RPL13: variants seen among roughly 807,000 people sequenced by gnomAD.
The protein encoded by RPL13 is ribosomal protein L13, also known as large ribosomal subunit protein eL13.
In RPL13, 1 loss-of-function variant was observed where a neutral mutation model predicts 21.4. The observed-to-expected ratio is 0.05, with a 90% CI of 0.02 to 0.22. The LOEUF (loss-of-function observed/expected upper bound fraction) is 0.22. RPL13 is among the 10% of genes least tolerant of loss of function. The pLI is 1.00. For missense variants in RPL13, 289 were observed against 303.0 expected, an observed-to-expected ratio of 0.95 and a Z score of 0.34; for synonymous variants, 143 against 120.5, an observed-to-expected ratio of 1.19 and a Z score of -1.23.
At chr16:89,561,826 C>T (rs2058747353) in intron 4 of RPL13, 75 bp downstream of exon 4, 6 of 1,513,342 alleles carry the variant, frequency 4.0e-6, no homozygotes, top group African/African-American at 2.8e-5. Context: ...TGACACCGGT[C>T]CCTGGGTCTT....
rs975844443 is a variant in RPL13 at position 89,561,703 on chromosome 16, C to T, written c.372C>T (p.Leu124=). The T allele has an allele frequency of 1.2e-6, 2 of 1,613,876 alleles. No homozygotes were observed. Among genetic ancestry groups the T allele is most frequent in the South Asian group, 1.1e-5 (1 of 91,078 alleles). Residue 124 remains leucine, a synonymous_variant, in exon 4 of 6, where the codon CTC becomes CTT. Transcript: ENST00000311528. ...GGCTGAAGGAGTACCGCTCCAAACT[C>T]ATCCTCTTCCCCAGGAAGCCCTCGG... ...VQRLKEYRSK[L]ILFPRKPSAP...
Position 89,563,082 on chromosome 16 carries a change from G to A in RPL13, c.*40G>A. ...CTTGGAATCAGTCGGCAGTCATGCT[G>A]GGTCTCCACGTGGTGTGTTTCGTGG... On this transcript the variant is annotated 3_prime_UTR_variant, in exon 6 of 6. Transcript: ENST00000311528. 6.9e-7 allele frequency: 1 copy of A among 1,452,700 alleles called. No homozygotes were observed. Among genetic ancestry groups the A allele is most frequent in the South Asian group, 1.5e-5 (1 of 68,824 alleles). 90.0% of individuals were successfully genotyped at this position (1,452,700 alleles called of 1,614,324 possible).
chr16:89,561,671 G>A lies in RPL13; in HGVS notation c.340G>A (p.Val114Met). 6.2e-7 allele frequency: 1 copy of A among 1,613,896 alleles called. No homozygotes were observed. Among genetic ancestry groups the A allele is most frequent in the Non-Finnish European group, 8.5e-7 (1 of 1,180,042 alleles). The change falls in exon 4 of 6, where the codon GTG becomes ATG. Residue 114 changes from valine (V) to methionine (M), a missense_variant. Val to Met is a conservative substitution (Grantham distance 21, BLOSUM62 1). Transcript: ENST00000311528. ...GTCCACGGAGTCCCTGCAGGCCAAC[G>A]TGCAGCGGCTGAAGGAGTACCGCTC... is the stretch of plus-strand genomic sequence containing the variant. ...NKSTESLQAN[V>M]QRLKEYRSKL...
In RPL13 at chr16:89,561,555, ATCTC is replaced by A. The variant is rs753495582; in HGVS notation, c.247-17_247-14del. On this transcript the variant is annotated intron_variant, in intron 3 of 5. Coordinates refer to ENST00000311528, the MANE Select transcript of RPL13 (RefSeq NM_000977.4). ...CTGGAGAAAGCCCGGGCCTGTCTCC[ATCTC>A]TCTCTGGTTCTGGGGCAGGTGGCCG... 1 of 1,613,300 alleles carries A rather than the reference ATCTC, an allele frequency of 6.2e-7. No homozygotes were observed. The highest frequency in any genetic ancestry group is 1.7e-5 in the Admixed American group (1 of 60,012).
chr16:89,563,121 T>C lies in RPL13; in HGVS notation c.*79T>C. ...TGTGTTTCGTGGGAACAACTGGGCC[T>C]GGGATGGGGCTTCACTGCTGTGACT... On this transcript the variant is annotated 3_prime_UTR_variant, in exon 6 of 6. Transcript: ENST00000311528. 2 of 1,328,680 alleles carry C rather than the reference T, an allele frequency of 1.5e-6. No individual in the cohort carries two copies. Among genetic ancestry groups the C allele is most frequent in the Non-Finnish European group, 2.0e-6 (2 of 1,016,448 alleles). 82.3% of individuals were successfully genotyped at this position (1,328,680 alleles called of 1,614,324 possible).
chr16:89,562,362 C>A lies in RPL13; in HGVS notation c.448C>A (p.Leu150Met), dbSNP rs1244010762. Residue 150 changes from leucine (L) to methionine (M), a missense_variant, in exon 5 of 6, where the codon CTG (leucine) becomes ATG (methionine). Physicochemically the swap from Leu to Met is conservative, Grantham distance 15 (BLOSUM62 2). Transcript: ENST00000311528. ...SAEELKLATQ[L>M]TGPVMPVRNV... The stretch of plus-strand genomic sequence containing the variant: ...TGAAGAACTGAAACTGGCCACCCAG[C>A]TGACCGGACCGGTCATGCCCGTCCG... 11 of 1,613,232 alleles carry A rather than the reference C, an allele frequency of 6.8e-6. No individual in the cohort carries two copies. Among genetic ancestry groups the A allele is most frequent in the Non-Finnish European group, 9.3e-6 (11 of 1,179,894 alleles).
chr16:89,566,339 A>AGAAGGCGCTAGTCT (rs2058791266), downstream of RPL13: 7 of 122,744 alleles, frequency 5.7e-5, no homozygotes, highest in Admixed American at 9.1e-5. Context: ...TCGGTGATGC[A>AGAAGGCGCTAGTCT]CCGTTTCTCA....
At position 89,561,750 on chromosome 16, in the gene RPL13, C is replaced by G; in HGVS notation, c.419C>G (p.Ser140Cys). Residue 140 changes from serine (S) to cysteine (C), a missense_variant and splice_region_variant, in exon 4 of 6, where the codon TCT becomes TGT. Ser to Cys is a moderately radical substitution (Grantham distance 112). Coordinates refer to ENST00000311528, the MANE Select transcript of RPL13 (RefSeq NM_000977.4). ...KPSAPKKGDSSAEELKLATQL... is the reference protein window; with the variant it reads ...KPSAPKKGDSCAEELKLATQL... ...TCGGCCCCCAAGAAGGGAGACAGTTCTGTGAGTACACGGCTCTCTGGCCGT... is the reference window on the plus strand; with the variant it reads ...TCGGCCCCCAAGAAGGGAGACAGTTGTGTGAGTACACGGCTCTCTGGCCGT... 1 of 1,613,044 alleles carries G rather than the reference C, an allele frequency of 6.2e-7. No homozygotes were observed. The highest frequency in any genetic ancestry group is 8.5e-7 in the Non-Finnish European group (1 of 1,179,522).
At position 89,560,932 on chromosome 16, in the gene RPL13, G is replaced by A. The variant is rs376283019; in HGVS notation, c.-20-8G>A. The A allele has an allele frequency of 6.3e-7, 1 of 1,583,766 alleles. No individual in the cohort carries two copies. The highest frequency in any genetic ancestry group is 8.6e-7 in the Non-Finnish European group (1 of 1,167,812). ...CCGGCCTCTCACTCGCTCCCCTCTC[G>A]TCCGCAGCCGCAGGGCCGTAGGCAG... On this transcript the variant is annotated splice_polypyrimidine_tract_variant and splice_region_variant and intron_variant, in intron 1 of 5. Coordinates refer to ENST00000311528, the MANE Select transcript of RPL13 (RefSeq NM_000977.4).
rs957971499 is a variant in RPL13, at chr16:89,564,413, T to C, written c.*1371T>C. ...TTGTATGTTTGGGACTCTTGTCCTATGTAAAGTTAAGGTGGGCCGGGTGCA... is the reference window on the plus strand; with the variant it reads ...TTGTATGTTTGGGACTCTTGTCCTACGTAAAGTTAAGGTGGGCCGGGTGCA... On this transcript the variant is annotated 3_prime_UTR_variant, in exon 6 of 6. Transcript: ENST00000311528. 2 of 152,214 alleles carry C rather than the reference T, an allele frequency of 1.3e-5. No individual in the cohort carries two copies. Among genetic ancestry groups the C allele is most frequent in the Admixed American group, 6.5e-5 (1 of 15,288 alleles). 9.4% of individuals were successfully genotyped at this position (152,214 alleles called of 1,614,324 possible).
At chr16:89,562,802 G>A (rs2058755558) in intron 5 of RPL13, 82 bp from the exon 6 acceptor site, 11 of 1,403,668 alleles carry the variant, frequency 7.8e-6, no homozygotes, top group African/African-American at 1.5e-5. Context: ...ATCCCCGGGA[G>A]GTCCTCCAGG....
At chr16:89,562,767 C>A in intron 5 of RPL13, 117 bp from the exon 6 acceptor site, 2 of 1,087,476 alleles carry the variant, frequency 1.8e-6, no homozygotes, top group Non-Finnish European at 2.6e-6. Flanking sequence ...TTCAGCAGTA[C>A]TTATGGCAGC....
At position 89,563,091 on chromosome 16, in the gene RPL13, C is replaced by T. The variant is rs760616316; in HGVS notation, c.*49C>T. 10 of 1,431,430 alleles carry T rather than the reference C, an allele frequency of 7.0e-6. No individual in the cohort carries two copies. Among genetic ancestry groups the T allele is most frequent in the African/African-American group, 2.9e-5 (2 of 68,324 alleles). 88.7% of individuals were successfully genotyped at this position (1,431,430 alleles called of 1,614,324 possible). On this transcript the variant is annotated 3_prime_UTR_variant, in exon 6 of 6. Coordinates refer to ENST00000311528, the MANE Select transcript of RPL13 (RefSeq NM_000977.4). ...AGTCGGCAGTCATGCTGGGTCTCCA[C>T]GTGGTGTGTTTCGTGGGAACAACTG...
At chr16:89,566,281 C>T (rs2058790196), downstream of RPL13, 1 of 150,942 alleles carries the variant, frequency 6.6e-6, no homozygotes, top group Non-Finnish European at 1.5e-5. Context: ...GCGCTAGTCT[C>T]CTGCCCCGGT....
chr16:89,562,337 TGAA>T lies in RPL13; in HGVS notation c.427_429del (p.Glu143del), dbSNP rs755488578. Reference sequence around the variant, plus strand: ...TAACTCTTCTCATTCACCAACAGGCTGAAGAACTGAAACTGGCCACCCAGCTGA... The same window carrying T: ...TAACTCTTCTCATTCACCAACAGGCTGAACTGAAACTGGCCACCCAGCTGA... On this transcript the variant is annotated inframe_deletion, in exon 5 of 6. Transcript: ENST00000311528. 6.2e-7 allele frequency: 1 copy of T among 1,613,274 alleles called. No homozygotes were observed. The highest frequency in any genetic ancestry group is 2.2e-5 in the East Asian group (1 of 44,820).
intron 3 of RPL13, 43 bp downstream of exon 3, chr16:89,561,411 C>A (rs751466278): frequency 1.2e-6 from 2 of 1,612,336 alleles, no homozygotes; most frequent in Non-Finnish European, 1.7e-6. Flanking sequence ...GCCCCGAAGT[C>A]CCCTCTGTTG....
intron 3 of RPL13, 41 bp downstream of exon 3, chr16:89,561,409 GT>G: frequency 6.2e-7 from 1 of 1,612,382 alleles, no homozygotes; most frequent in Non-Finnish European, 8.5e-7. Flanking sequence ...AGGCCCCGAA[GT>G]CCCCTCTGTT....
chr16:89,560,825 C>A, intron 1 of RPL13, 113 bp downstream of exon 1: 1 of 641,974 alleles, frequency 1.6e-6, no homozygotes. Context: ...CGTTCGGCCG[C>A]TGCCCGGGCT....
rs948703105 is a variant in RPL13, at chr16:89,563,208, A to G, written c.*166A>G. 8 of 604,908 alleles carry G rather than the reference A, an allele frequency of 1.3e-5. No individual in the cohort carries two copies. The highest frequency in any genetic ancestry group is 2.0e-5 in the Non-Finnish European group (8 of 391,376). The allele number at this position is 604,908 out of a possible 1,614,324, so 37.5% of individuals were successfully genotyped here. A position where few individuals can be genotyped will look rare whatever the true frequency, so the allele number is the denominator to read the frequency against. On this transcript the variant is annotated 3_prime_UTR_variant, in exon 6 of 6. Coordinates refer to ENST00000311528, the MANE Select transcript of RPL13 (RefSeq NM_000977.4). ...CAGTCCAAGCCCTGGATAATGCTTT[A>G]CTTTCTGTGTTGAAGCACTGTTGGT...
Sources: gnomAD v4.1 joint callset for allele counts on GRCh38, gnomAD v4.1.1 for gene constraint, MANE v1.5 for transcripts, NCBI Gene and HGNC (gene_info 2026-07-23, HGNC 2026-07-21) for gene names.